The following NRG1 variants were observed in gnomAD, a reference collection of about 807,000 sequenced individuals.
The protein encoded by NRG1 is neuregulin 1, also known as pro-neuregulin-1, membrane-bound isoform.
NRG1 carries 18 observed loss-of-function variants against 63.8 expected under a neutral mutation model. That is an observed-to-expected ratio of 0.28 (90% CI 0.19 to 0.42). NRG1 has a LOEUF of 0.42. Ranked by LOEUF, NRG1 falls within the 10% of genes least tolerant of loss-of-function variation. The probability of loss-of-function intolerance (pLI) is 1.00; values close to 1 mark genes in which losing one functional copy is unlikely to be tolerated. For synonymous variants in NRG1, 302 were observed against 301.3 expected, an observed-to-expected ratio of 1.00 and a Z score of -0.02; for missense variants, 762 against 814.7, an observed-to-expected ratio of 0.94 and a Z score of 0.79.
rs1833949798 is a variant in NRG1 at position 31,921,881 on chromosome 8, A to T, written c.37+282450A>T. Among the ~76,000 whole-genome samples the T allele has an allele frequency of 2.6e-5, 4 of 152,188 alleles. 1 individual carries two copies. The South Asian group carries it at 8.3e-4, about 32-fold the overall frequency. ...AGAAATAAAGTGGTACATAATATGCATGTCCCCTCTATATGAGACTTTGTT... is the reference window on the plus strand; with the variant it reads ...AGAAATAAAGTGGTACATAATATGCTTGTCCCCTCTATATGAGACTTTGTT... On this transcript the variant is annotated intron_variant, in intron 1 of 10. Transcript: ENST00000519301.
At chr8:31,833,816 A>G (rs1825403713) in intron 1 of NRG1, among the ~76,000 whole-genome samples, 3 of 152,100 alleles carry the variant, frequency 2.0e-5, no homozygotes, top group Admixed American at 2.0e-4. Context: ...CTCATTCCAT[A>G]GCAGGTATAA....
chr8:32,002,642 A>C (rs1433234403), intron 1 of NRG1, among the ~76,000 whole-genome samples: 2 of 152,022 alleles, frequency 1.3e-5, no homozygotes, highest in East Asian at 3.9e-4. Context: ...GACTCTTTTA[A>C]TTGGGGAACA....
At chr8:31,900,639 AG>A (rs1476142138) in intron 1 of NRG1, among the ~76,000 whole-genome samples, 1 of 152,194 alleles carries the variant, frequency 6.6e-6, no homozygotes, top group Admixed American at 6.5e-5. Flanking sequence ...TTTTTATAGA[AG>A]AAACAGATGT....
chr8:31,905,847 G>C (rs896809666), intron 1 of NRG1, among the ~76,000 whole-genome samples: 4 of 152,112 alleles, frequency 2.6e-5, no homozygotes, highest in African/African-American at 9.7e-5. Flanking sequence ...TTAGCAAGTG[G>C]TTTAAAAAAT....
chr8:32,003,717 T>C (rs1170597595), intron 1 of NRG1, among the ~76,000 whole-genome samples: 1 of 151,924 alleles, frequency 6.6e-6, no homozygotes, highest in South Asian at 2.1e-4. Context: ...GTTTCATAAA[T>C]GGTTAACAAA....
chr8:31,974,950 G>C (rs374599459), intron 1 of NRG1, among the ~76,000 whole-genome samples: 1 of 152,132 alleles, frequency 6.6e-6, no homozygotes, highest in Non-Finnish European at 1.5e-5. Flanking sequence ...CTTTCATGTC[G>C]CAGGGCACCT....
rs566605938 is a variant in NRG1 at position 32,349,763 on chromosome 8, A to T, written c.38-246065A>T. 2.6e-5 allele frequency among the ~76,000 whole-genome samples: 4 copies of T among 152,262 alleles called. No individual in the cohort carries two copies. In the South Asian group the frequency reaches 6.2e-4, roughly 24 times the overall value. On this transcript the variant is annotated intron_variant, in intron 1 of 10. Coordinates refer to the NRG1 transcript ENST00000519301. ...AATTAGTGGTGTTTTCTGATTCCCT[A>T]ACTGACTCTATGGTAGGCTCCTGGT...
At chr8:32,387,382 G>A (rs1811152541) in intron 1 of NRG1, among the ~76,000 whole-genome samples, 1 of 152,150 alleles carries the variant, frequency 6.6e-6, no homozygotes, top group African/African-American at 2.4e-5. Context: ...GGTTTCTAAT[G>A]TATTATTAAA....
At chr8:31,783,493 T>G (rs529406003) in intron 1 of NRG1, among the ~76,000 whole-genome samples, 1 of 152,000 alleles carries the variant, frequency 6.6e-6, no homozygotes, top group Admixed American at 6.6e-5. Flanking sequence ...AAATGAATAT[T>G]TGGAAACTCT....
intron 1 of NRG1, among the ~76,000 whole-genome samples, chr8:31,921,745 G>T (rs1319147972): frequency 2.0e-5 from 3 of 152,120 alleles, no homozygotes; most frequent in African/African-American, 7.2e-5. Context: ...TCCATGAGAT[G>T]TTGAGCACTA....
chr8:31,980,790 T>A (rs909923072), intron 1 of NRG1, among the ~76,000 whole-genome samples: 6 of 152,060 alleles, frequency 3.9e-5, no homozygotes, highest in African/African-American at 1.4e-4. Context: ...TTAATAGCAA[T>A]GTATTACTAT....
At chr8:32,201,572 A>G (rs1174737589) in intron 1 of NRG1, among the ~76,000 whole-genome samples, 1 of 152,202 alleles carries the variant, frequency 6.6e-6, no homozygotes, top group Non-Finnish European at 1.5e-5. Context: ...GTGATAAGGA[A>G]TTTACTTACA....
At chr8:31,864,241 A>G (rs1828739257) in intron 1 of NRG1, among the ~76,000 whole-genome samples, 1 of 152,196 alleles carries the variant, frequency 6.6e-6, no homozygotes, top group African/African-American at 2.4e-5. Flanking sequence ...TGAGCTAGCC[A>G]CTGACCAGGT....
At chr8:31,950,293 A>T (rs145956774) in intron 1 of NRG1, among the ~76,000 whole-genome samples, 1 of 152,364 alleles carries the variant, frequency 6.6e-6, no homozygotes, top group South Asian at 2.1e-4. Flanking sequence ...GTTTGAAGCT[A>T]TCTTTTAAAA....
chr8:32,329,900 G>T (rs922273938), intron 1 of NRG1, among the ~76,000 whole-genome samples: 2 of 151,582 alleles, frequency 1.3e-5, no homozygotes, highest in African/African-American at 4.8e-5. Flanking sequence ...GAGATAGGGG[G>T]TCTCATTCTG....
chr8:32,708,159 A>G (rs1324553187), intron 5 of NRG1, among the ~76,000 whole-genome samples: 2 of 152,134 alleles, frequency 1.3e-5, no homozygotes, highest in African/African-American at 4.8e-5. Context: ...AATAATTTTG[A>G]TGATGTTCTC....
At chr8:32,510,122 A>AATAATAATAATAATAATAATC (rs1554566691) in intron 1 of NRG1, among the ~76,000 whole-genome samples, 5 of 116,796 alleles carry the variant, frequency 4.3e-5, no homozygotes, top group African/African-American at 1.5e-4. Flanking sequence ...TAATAATAAT[A>AATAATAATAATAATAATAATC]ATAATCATAA....
At chr8:32,771,752 G>A (rs1256851679), downstream of NRG1, among the ~76,000 whole-genome samples, 1 of 140,590 alleles carries the variant, frequency 7.1e-6, no homozygotes. Flanking sequence ...GCCTGGCACG[G>A]TGGCTCATGA....
intron 4 of NRG1, 75 bp from the exon 5 acceptor site, chr8:32,616,760 G>A: frequency 1.7e-6 from 2 of 1,171,780 alleles, no homozygotes; most frequent in South Asian, 1.2e-5. Context: ...CGATACCCAA[G>A]CCTGGCAAAT....
Sources: gnomAD v4.1 joint callset for allele counts (sites outside exome capture counted in the v4.1 genomes callset) on GRCh38, gnomAD v4.1.1 for gene constraint, MANE v1.5 for transcripts, NCBI Gene and HGNC (gene_info 2026-07-23, HGNC 2026-07-21) for gene names.